DCC: variants seen among roughly 807,000 people sequenced by gnomAD.
DCC encodes the protein netrin receptor DCC.
In DCC, 58 loss-of-function variants were observed where a neutral mutation model predicts 172.5. The ratio of observed to expected loss-of-function variants is 0.34; its 90% confidence interval spans 0.27 to 0.42. The LOEUF (loss-of-function observed/expected upper bound fraction) is 0.42. Among genes scored for constraint, DCC ranks in the 10% least tolerant of loss-of-function variants. The pLI, the probability that DCC is intolerant of heterozygous loss-of-function variation, is 1.00. For missense variants in DCC, 1,740 were observed against 1,791.0 expected, an observed-to-expected ratio of 0.97 and a Z score of 0.51; for synonymous variants, 709 against 644.5, an observed-to-expected ratio of 1.10 and a Z score of -1.52.
chr18:52,832,413 AT>A (rs1294434724), intron 2 of DCC, among the ~76,000 whole-genome samples: 21 of 149,146 alleles, frequency 1.4e-4, no homozygotes, highest in African/African-American at 5.2e-4. Context: ...AGGATTATAA[AT>A]AATACCTATC....
At chr18:52,586,718 G>A (rs1475697778) in intron 1 of DCC, among the ~76,000 whole-genome samples, 3 of 152,174 alleles carry the variant, frequency 2.0e-5, no homozygotes, top group African/African-American at 7.2e-5. Context: ...GGCTATGGGA[G>A]AAACAGGACC....
At chr18:53,107,746 A>T (rs1329229761) in intron 7 of DCC, among the ~76,000 whole-genome samples, 1 of 151,850 alleles carries the variant, frequency 6.6e-6, no homozygotes, top group Non-Finnish European at 1.5e-5. Flanking sequence ...GTGATGCTGT[A>T]AAGTTTTAAA....
intron 21 of DCC, among the ~76,000 whole-genome samples, chr18:53,418,103 G>C (rs1910425422): frequency 6.6e-6 from 1 of 152,102 alleles, no homozygotes; most frequent in African/African-American, 2.4e-5. Context: ...GAAGGATTCT[G>C]TCACATATGT....
intron 5 of DCC, among the ~76,000 whole-genome samples, chr18:52,933,302 G>C (rs2040334790): frequency 1.3e-5 from 2 of 151,946 alleles, no homozygotes; most frequent in African/African-American, 4.8e-5. Flanking sequence ...GATAGGTAGG[G>C]AAAAAGACAA....
intron 2 of DCC, among the ~76,000 whole-genome samples, chr18:52,852,374 T>C (rs2038988327): frequency 6.6e-6 from 1 of 152,182 alleles, no homozygotes; most frequent in Admixed American, 6.5e-5. Flanking sequence ...ATGATTGTTA[T>C]TTAACTTTCA....
At chr18:52,946,531 T>C (rs1357797689) in intron 5 of DCC, among the ~76,000 whole-genome samples, 1 of 152,162 alleles carries the variant, frequency 6.6e-6, no homozygotes, top group African/African-American at 2.4e-5. Context: ...CTATGGGATT[T>C]AGATCGTAGA....
chr18:52,436,508 C>T (rs2144485118), intron 1 of DCC, among the ~76,000 whole-genome samples: 1 of 152,346 alleles, frequency 6.6e-6, no homozygotes, highest in African/African-American at 2.4e-5. Context: ...ACCCACCTCA[C>T]TATCTCGGAC....
intron 27 of DCC, among the ~76,000 whole-genome samples, chr18:53,507,302 G>GA (rs2046192617): frequency 6.6e-6 from 1 of 152,146 alleles, no homozygotes. Flanking sequence ...AATGTGTTAT[G>GA]AAAAATCTAA....
intron 12 of DCC, among the ~76,000 whole-genome samples, chr18:53,300,782 AT>A (rs552791567): frequency 5.9e-4 from 90 of 152,000 alleles, no homozygotes; most frequent in African/African-American, 1.7e-3. Flanking sequence ...TTTAGATTAT[AT>A]TTTTTTTCTT....
chr18:52,899,574 C>CGAACTCCG (rs1264174403), intron 2 of DCC, among the ~76,000 whole-genome samples: 1 of 151,858 alleles, frequency 6.6e-6, no homozygotes, highest in East Asian at 1.9e-4. Context: ...AGGCTGGTCT[C>CGAACTCCG]GAACTCCGGA....
At chr18:53,470,733 G>C (rs1173879680) in intron 25 of DCC, among the ~76,000 whole-genome samples, 1 of 152,000 alleles carries the variant, frequency 6.6e-6, no homozygotes, top group Non-Finnish European at 1.5e-5. Context: ...GAGAGAGAGA[G>C]AGAAAAAACG....
At chr18:52,435,872 G>A (rs1987778020) in intron 1 of DCC, among the ~76,000 whole-genome samples, 2 of 152,140 alleles carry the variant, frequency 1.3e-5, no homozygotes, top group Admixed American at 6.5e-5. Context: ...TGCCCAGGGG[G>A]AGATCTCAGG....
chr18:53,035,908 C>A (rs1258005284), intron 5 of DCC, among the ~76,000 whole-genome samples: 1 of 151,964 alleles, frequency 6.6e-6, no homozygotes, highest in South Asian at 2.1e-4. Flanking sequence ...ATCCTTAGAG[C>A]ATTTAGTATT....
chr18:53,364,472 G>A (rs556525944), intron 15 of DCC, among the ~76,000 whole-genome samples: 138 of 152,096 alleles, frequency 9.1e-4, no homozygotes, highest in Non-Finnish European at 1.8e-3. Flanking sequence ...AAGAAATGAA[G>A]TATGATCAGA....
intron 22 of DCC, among the ~76,000 whole-genome samples, chr18:53,439,055 T>A (rs533469753): frequency 6.6e-6 from 1 of 152,350 alleles, no homozygotes; most frequent in East Asian, 1.9e-4. Context: ...CCTACTGGAA[T>A]AACAAATTAT....
At chr18:53,441,913 T>A (rs1337643115) in intron 22 of DCC, among the ~76,000 whole-genome samples, 1 of 152,224 alleles carries the variant, frequency 6.6e-6, no homozygotes, top group East Asian at 1.9e-4. Context: ...GGGTCCTCTT[T>A]CTCTGTGTAG....
chr18:53,396,597 A>G (rs148307255), intron 17 of DCC, among the ~76,000 whole-genome samples: 22 of 152,342 alleles, frequency 1.4e-4, no homozygotes, highest in Middle Eastern at 3.4e-3. Context: ...TGTGAAGTCT[A>G]CACAAAGAAT....
intron 1 of DCC, among the ~76,000 whole-genome samples, chr18:52,372,873 T>C (rs754508698): frequency 5.9e-5 from 9 of 152,124 alleles, no homozygotes; most frequent in Non-Finnish European, 1.3e-4. Context: ...CCCGAGATGA[T>C]AAAAGAAGAG....
intron 1 of DCC, among the ~76,000 whole-genome samples, chr18:52,749,551 C>T (rs2036963422): frequency 6.6e-6 from 1 of 152,170 alleles, no homozygotes; most frequent in Non-Finnish European, 1.5e-5. Flanking sequence ...TATCCCAAAG[C>T]CATATATTCA....
Sources: allele counts gnomAD v4.1 joint callset (sites outside exome capture counted in the v4.1 genomes callset), GRCh38; gene constraint gnomAD v4.1.1; transcripts MANE v1.5; gene names NCBI Gene and HGNC (gene_info 2026-07-23, HGNC 2026-07-21).